The following ESR1 variants were observed in gnomAD, a reference collection of about 807,000 sequenced individuals.
ESR1 encodes estrogen receptor 1.
In ESR1, 12 loss-of-function variants were observed where a neutral mutation model predicts 52.7. That is an observed-to-expected ratio of 0.23 (90% confidence interval 0.15 to 0.37). The LOEUF is 0.37. ESR1 is among the 10% of genes least tolerant of loss of function. The pLI is 1.00. For missense variants in ESR1, 584 were observed against 779.7 expected (o/e 0.75, Z 2.99); for synonymous variants, 305 against 316.8 (o/e 0.96, Z 0.39).
chr6:152,072,784 T>C (rs536290186), intron 6 of ESR1, among the ~76,000 whole-genome samples: 1 of 152,244 alleles, frequency 6.6e-6, no homozygotes, highest in South Asian at 2.1e-4. Context: ...TCTTTAAAAT[T>C]GGAATCAACA....
intron 4 of ESR1, among the ~76,000 whole-genome samples, chr6:152,009,032 G>A (rs1343974385): frequency 6.6e-6 from 1 of 152,070 alleles, no homozygotes; most frequent in Non-Finnish European, 1.5e-5. Context: ...TTCCTTGAGA[G>A]CAAGACTAGT....
chr6:151,791,330 C>A (rs1292968575), intron 2 of ESR1, among the ~76,000 whole-genome samples: 3 of 152,128 alleles, frequency 2.0e-5, no homozygotes, highest in Middle Eastern at 3.2e-3. Context: ...ATAAGTCTCA[C>A]GAGATCTGAT....
At chr6:152,120,526 C>G (rs762339259) in intron 6 of ESR1, among the ~76,000 whole-genome samples, 1 of 152,042 alleles carries the variant, frequency 6.6e-6, no homozygotes, top group African/African-American at 2.4e-5. Context: ...GGCAAGAAGC[C>G]GAGTAGTAGA....
chr6:151,823,703 T>C (rs1292153638), intron 1 of ESR1, among the ~76,000 whole-genome samples: 1 of 151,758 alleles, frequency 6.6e-6, no homozygotes, highest in Non-Finnish European at 1.5e-5. Context: ...TTCCCACCTA[T>C]GAGTGAGAAC....
intron 6 of ESR1, chr6:152,122,814 C>T (rs1162556447): frequency 1.5e-6 from 2 of 1,321,938 alleles, no homozygotes; most frequent in African/African-American, 2.9e-5. Flanking sequence ...CAGCCTTCCA[C>T]AGTGTGCCCA....
intron 3 of ESR1, among the ~76,000 whole-genome samples, chr6:151,915,126 C>T (rs749232890): frequency 2.6e-5 from 4 of 151,064 alleles, no homozygotes; most frequent in Non-Finnish European, 5.9e-5. Context: ...ACCAGGGAGT[C>T]GGAGGTTGCA....
intron 2 of ESR1, among the ~76,000 whole-genome samples, chr6:151,794,349 G>A (rs1562411419): frequency 1.3e-5 from 2 of 152,086 alleles, no homozygotes; most frequent in South Asian, 2.1e-4. Context: ...AAAATTCAGT[G>A]GTTTATGGCT....
chr6:151,699,238 G>A (rs1367485981), intron 1 of ESR1, among the ~76,000 whole-genome samples: 5 of 152,100 alleles, frequency 3.3e-5, no homozygotes. Flanking sequence ...CCATGGTAAT[G>A]TTTAGTAGGG....
At chr6:151,731,621 A>C (rs1466557533) in intron 2 of ESR1, among the ~76,000 whole-genome samples, 1 of 152,122 alleles carries the variant, frequency 6.6e-6, no homozygotes, top group African/African-American at 2.4e-5. Context: ...ATGCTAACCC[A>C]GTGTCTTGGC....
upstream of ESR1, among the ~76,000 whole-genome samples, chr6:151,685,785 T>A (rs1470636924): frequency 6.6e-6 from 1 of 150,904 alleles, no homozygotes; most frequent in Non-Finnish European, 1.5e-5. Flanking sequence ...AAATTTTTCA[T>A]AATTATTTCC....
At chr6:152,003,282 A>G (rs1242529221) in intron 4 of ESR1, among the ~76,000 whole-genome samples, 1 of 151,566 alleles carries the variant, frequency 6.6e-6, no homozygotes, top group Non-Finnish European at 1.5e-5. Flanking sequence ...CTGACAAACT[A>G]CTTCCTCACC....
At chr6:151,940,022 A>T (rs893016519) in intron 3 of ESR1, among the ~76,000 whole-genome samples, 3 of 152,210 alleles carry the variant, frequency 2.0e-5, no homozygotes, top group African/African-American at 7.2e-5. Flanking sequence ...CTATAAAGAA[A>T]TACTTGAGAC....
chr6:151,874,199 G>A (rs1202978467), intron 2 of ESR1, among the ~76,000 whole-genome samples: 1 of 152,108 alleles, frequency 6.6e-6, no homozygotes, highest in Non-Finnish European at 1.5e-5. Context: ...TCCTTAATGG[G>A]ACGACACCTT....
At chr6:151,785,532 G>A (rs759255720) in intron 2 of ESR1, among the ~76,000 whole-genome samples, 1 of 152,184 alleles carries the variant, frequency 6.6e-6, no homozygotes, top group Non-Finnish European at 1.5e-5. Flanking sequence ...GCTCTGAGGG[G>A]CTGGCAGCTT....
chr6:151,880,267 C>T lies in ESR1; in HGVS notation c.644-388C>T, dbSNP rs9340843. 1.5e-3 allele frequency among the ~76,000 whole-genome samples: 224 copies of T among 149,680 alleles called. 2 individuals carry two copies. Among genetic ancestry groups the T allele is most frequent in the African/African-American group, 5.2e-3 (213 of 40,664 alleles). ...GCGCAATCTCGGCTCACTGCAACCT[C>T]CGCCTCCCGGGTTCAAGCGATTCTC... On this transcript the variant is annotated intron_variant, in intron 2 of 7. Transcript: ENST00000206249.
chr6:151,895,496 C>T (rs1019803622), intron 3 of ESR1, among the ~76,000 whole-genome samples: 6 of 152,054 alleles, frequency 3.9e-5, no homozygotes, highest in African/African-American at 1.5e-4. Context: ...CAACTTTTCC[C>T]CATTCAGTAT....
chr6:151,847,163 T>A (rs1785285054), intron 2 of ESR1, among the ~76,000 whole-genome samples: 1 of 152,188 alleles, frequency 6.6e-6, no homozygotes, highest in Non-Finnish European at 1.5e-5. Flanking sequence ...AGAGTCTGGT[T>A]ATGGGTCAAT....
At chr6:151,767,438 C>A (rs1047225745) in intron 2 of ESR1, among the ~76,000 whole-genome samples, 1 of 152,014 alleles carries the variant, frequency 6.6e-6, no homozygotes, top group Non-Finnish European at 1.5e-5. Context: ...GTCTTAGACC[C>A]CTTTGGCAGT....
chr6:152,108,146 C>T (rs1362409617), downstream of ESR1, among the ~76,000 whole-genome samples: 1 of 152,194 alleles, frequency 6.6e-6, no homozygotes, highest in African/African-American at 2.4e-5. Flanking sequence ...TCTGATCTCC[C>T]CTAGGCATGT....
Sources: allele counts gnomAD v4.1 joint callset (sites outside exome capture counted in the v4.1 genomes callset), GRCh38; gene constraint gnomAD v4.1.1; transcripts MANE v1.5; gene names NCBI Gene and HGNC (gene_info 2026-07-23, HGNC 2026-07-21).